The following ATF2 variants were observed in gnomAD, a reference collection of about 807,000 sequenced individuals.
The protein encoded by ATF2 is cyclic AMP-dependent transcription factor ATF-2.
A neutral mutation model predicts 60.6 loss-of-function variants in ATF2; 24 were observed. The ratio of observed to expected loss-of-function variants is 0.40; its 90% CI spans 0.29 to 0.56. The LOEUF (loss-of-function observed/expected upper bound fraction) is 0.56. Among genes scored for constraint, ATF2 ranks in the 20% least tolerant of loss-of-function variants. The pLI is 0.54. For synonymous variants in ATF2, 206 were observed against 215.4 expected (o/e 0.96, Z 0.38); for missense variants, 433 against 607.7 (o/e 0.71, Z 3.02).
intron 3 of ATF2, among the ~76,000 whole-genome samples, chr2:175,132,277 A>G (rs1697787650): frequency 6.6e-6 from 1 of 152,210 alleles, no homozygotes; most frequent in Admixed American, 6.5e-5. Context: ...TGCTAGTCTT[A>G]AAAATACACG....
rs1693346075 is a variant in ATF2, at chr2:175,076,811, T to C, written c.1292-1976A>G. 1.3e-5 allele frequency among the ~76,000 whole-genome samples: 2 copies of C among 152,090 alleles called. 1 individual carries two copies. Among genetic ancestry groups the C allele is most frequent in the South Asian group, 4.1e-4 (2 of 4,828 alleles). On this transcript the variant is annotated intron_variant, in intron 13 of 13. Coordinates refer to ENST00000264110, the MANE Select transcript of ATF2 (RefSeq NM_001880.4). The stretch of plus-strand genomic sequence containing the variant: ...TTTTATTTTTATCACTTTTTAAAAA[T>C]TATACTTTAAGTTTTAGGGTACATG...
chr2:175,109,356 C>A (rs1179067921), intron 10 of ATF2, among the ~76,000 whole-genome samples: 1 of 152,148 alleles, frequency 6.6e-6, no homozygotes, highest in Non-Finnish European at 1.5e-5. Flanking sequence ...ATGGATAAAT[C>A]TGAGACATGC....
intron 10 of ATF2, among the ~76,000 whole-genome samples, chr2:175,104,967 T>C (rs1695552725): frequency 6.6e-6 from 1 of 152,158 alleles, no homozygotes; most frequent in South Asian, 2.1e-4. Flanking sequence ...TTGTAAGTGC[T>C]GAGATAATCT....
intron 4 of ATF2, among the ~76,000 whole-genome samples, chr2:175,129,004 T>TC (rs573545950): frequency 1.7e-3 from 266 of 152,248 alleles, no homozygotes; most frequent in Middle Eastern, 0.01. Context: ...CATGTATTCC[T>TC]CCAAGAGAAA....
At chr2:175,079,789 A>C (rs1014001995) in intron 13 of ATF2, among the ~76,000 whole-genome samples, 2 of 152,178 alleles carry the variant, frequency 1.3e-5, no homozygotes, top group Non-Finnish European at 1.5e-5. Flanking sequence ...AATTAAAATG[A>C]AGTGGATACA....
intron 12 of ATF2, among the ~76,000 whole-genome samples, chr2:175,089,172 C>T (rs948683433): frequency 6.9e-6 from 1 of 144,974 alleles, no homozygotes; most frequent in Non-Finnish European, 1.5e-5. Context: ...AAGAGCAAAA[C>T]TCTGTCTCCA....
At chr2:175,115,934 G>A (rs1375010665) in intron 7 of ATF2, among the ~76,000 whole-genome samples, 1 of 152,086 alleles carries the variant, frequency 6.6e-6, no homozygotes, top group East Asian at 1.9e-4. Flanking sequence ...ATAAAAGGAT[G>A]AGGAGGAGAG....
At chr2:175,167,822 T>A in intron 1 of ATF2, 1 of 432,350 alleles carries the variant, frequency 2.3e-6, no homozygotes, top group South Asian at 1.7e-5. Context: ...GCTGGTTACC[T>A]AACGGTCCGG....
chr2:175,119,594 G>A (rs1404932449), intron 5 of ATF2, among the ~76,000 whole-genome samples: 1 of 151,418 alleles, frequency 6.6e-6, no homozygotes, highest in Non-Finnish European at 1.5e-5. Context: ...AGTAATATCA[G>A]AATTACTAAA....
chr2:175,082,687 T>A (rs540161545), intron 12 of ATF2, among the ~76,000 whole-genome samples: 41 of 152,336 alleles, frequency 2.7e-4, no homozygotes, highest in African/African-American at 9.1e-4. Flanking sequence ...CAAACACTAG[T>A]GATGCTTCAA....
intron 2 of ATF2, among the ~76,000 whole-genome samples, chr2:175,149,570 CAAAG>C (rs1012340703): frequency 6.6e-6 from 1 of 151,852 alleles, no homozygotes. Flanking sequence ...AACAACAAAA[CAAAG>C]AAAACTGGCA....
At chr2:175,078,795 A>G (rs1693555085) in intron 13 of ATF2, among the ~76,000 whole-genome samples, 1 of 152,144 alleles carries the variant, frequency 6.6e-6, no homozygotes, top group Admixed American at 6.6e-5. Flanking sequence ...TTCTGTATCT[A>G]TTTTTACTAC....
At chr2:175,108,357 C>G (rs1266535492) in intron 10 of ATF2, among the ~76,000 whole-genome samples, 2 of 151,110 alleles carry the variant, frequency 1.3e-5, no homozygotes, top group East Asian at 4.0e-4. Flanking sequence ...CCGCCTCGTC[C>G]GGGAGGGAGG....
chr2:175,079,499 C>T (rs536712830), intron 13 of ATF2, among the ~76,000 whole-genome samples: 3 of 152,030 alleles, frequency 2.0e-5, no homozygotes, highest in Non-Finnish European at 4.4e-5. Context: ...TTCCAATTTA[C>T]TCCAATGTGT....
intron 2 of ATF2, among the ~76,000 whole-genome samples, chr2:175,143,641 A>G (rs1345330770): frequency 6.6e-6 from 1 of 152,210 alleles, no homozygotes; most frequent in African/African-American, 2.4e-5. Flanking sequence ...CTTAATACCA[A>G]CACAAACAGT....
At chr2:175,077,308 T>A (rs1203020875) in intron 13 of ATF2, among the ~76,000 whole-genome samples, 1 of 152,208 alleles carries the variant, frequency 6.6e-6, no homozygotes, top group East Asian at 1.9e-4. Context: ...TTTGGGTATA[T>A]ACCCAGTAAT....
chr2:175,121,685 T>C, intron 4 of ATF2, 145 bp from the exon 5 acceptor site: 1 of 570,470 alleles, frequency 1.8e-6, no homozygotes, highest in Non-Finnish European at 3.0e-6. Flanking sequence ...TCCGTTATTG[T>C]TAGTAGATAG....
At chr2:175,078,757 A>G (rs1693553472) in intron 13 of ATF2, among the ~76,000 whole-genome samples, 1 of 152,164 alleles carries the variant, frequency 6.6e-6, no homozygotes, top group Non-Finnish European at 1.5e-5. Flanking sequence ...AAGAGTGTAA[A>G]TTTTTCAAAG....
intron 1 of ATF2, among the ~76,000 whole-genome samples, chr2:175,151,464 AG>A (rs1574489743): frequency 2.0e-5 from 3 of 152,128 alleles, no homozygotes; most frequent in Admixed American, 6.5e-5. Flanking sequence ...TGGTGAAAGT[AG>A]AAAAATGAAA....
Sources: allele counts gnomAD v4.1 joint callset (sites outside exome capture counted in the v4.1 genomes callset), GRCh38; gene constraint gnomAD v4.1.1; transcripts MANE v1.5; gene names NCBI Gene and HGNC (gene_info 2026-07-23, HGNC 2026-07-21).